Variants in SLC35D1 observed in about 807,000 individuals in gnomAD.
SLC35D1 encodes the protein solute carrier family 35 member D1.
Under a neutral mutation model 46.7 loss-of-function variants are expected in SLC35D1, and 31 were observed. The observed-to-expected ratio is 0.66, with a 90% CI of 0.50 to 0.90. The LOEUF (loss-of-function observed/expected upper bound fraction) is 0.90. Among genes scored for constraint, SLC35D1 ranks in the 40% least tolerant of loss-of-function variants. The pLI is 0.00. For synonymous variants in SLC35D1, 195 were observed against 164.6 expected (o/e 1.18, Z -1.41); for missense variants, 397 against 426.2 (o/e 0.93, Z 0.60).
intron 10 of SLC35D1, among the ~76,000 whole-genome samples, chr1:67,009,770 T>A (rs1390395236): frequency 6.6e-6 from 1 of 152,198 alleles, no homozygotes; most frequent in Non-Finnish European, 1.5e-5. Context: ...TGGAAAGCAG[T>A]GTGGACATTT....
In SLC35D1 at chr1:67,052,786, T is replaced by C; in HGVS notation, c.309A>G (p.Arg103=). ...LRVVKFPDLD[R]NVPRKTFPLP... Reference sequence around the variant, plus strand: ...CTTCTTTTACCTTTCGAGGTACATTTCTGTCAAGGTCAGGAAACTTGACTA... The same window carrying C: ...CTTCTTTTACCTTTCGAGGTACATTCCTGTCAAGGTCAGGAAACTTGACTA... Residue 103 remains arginine, a synonymous_variant, in exon 3 of 12, where the codon AGA becomes AGG. Coordinates refer to ENST00000235345, the MANE Select transcript of SLC35D1 (RefSeq NM_015139.3). The C allele has an allele frequency of 6.2e-7, 1 of 1,614,188 alleles. No homozygotes were observed. The highest frequency in any genetic ancestry group is 8.5e-7 in the Non-Finnish European group (1 of 1,180,002).
downstream of SLC35D1, among the ~76,000 whole-genome samples, chr1:66,997,483 A>G (rs1359485332): frequency 7.1e-6 from 1 of 141,078 alleles, no homozygotes; most frequent in Non-Finnish European, 1.5e-5. Context: ...AGCCTGGGTG[A>G]CAGAGTGAGA....
intron 10 of SLC35D1, among the ~76,000 whole-genome samples, chr1:67,017,956 T>G (rs537901015): frequency 6.6e-6 from 1 of 152,324 alleles, no homozygotes; most frequent in East Asian, 1.9e-4. Flanking sequence ...TATATAAAAC[T>G]TTATGAAGTT....
intron 10 of SLC35D1, among the ~76,000 whole-genome samples, chr1:67,019,380 T>C (rs541126463): frequency 6.6e-6 from 1 of 152,354 alleles, no homozygotes; most frequent in African/African-American, 2.4e-5. Context: ...GTCTCTAGCT[T>C]TCTAAAGGAA....
In SLC35D1 at chr1:66,999,844, G is replaced by A. The variant is rs1667293068; in HGVS notation, c.*4496C>T. ...ACAGGCCTGGAAGCAGGGGCAGCAT[G>A]GGGTCAAGTGCTTTCAATTCAGAGA... On this transcript the variant is annotated 3_prime_UTR_variant, in exon 12 of 12. Coordinates refer to ENST00000235345, the MANE Select transcript of SLC35D1 (RefSeq NM_015139.3). 1 of 152,306 alleles carries A rather than the reference G, an allele frequency of 6.6e-6. No individual in the cohort carries two copies. Among genetic ancestry groups the A allele is most frequent in the Admixed American group, 6.5e-5 (1 of 15,280 alleles). 9.4% of individuals were successfully genotyped at this position (152,306 alleles called of 1,614,324 possible). A position where few individuals can be genotyped will look rare whatever the true frequency, so the allele number is the denominator to read the frequency against.
At position 67,047,690 on chromosome 1, in the gene SLC35D1, G is replaced by A. The variant is rs771770921; in HGVS notation, c.534-323C>T. Among the ~76,000 whole-genome samples the A allele has an allele frequency of 3.7e-4, 57 of 152,286 alleles. 1 individual carries two copies. The highest frequency in any genetic ancestry group is 6.8e-3 in the Middle Eastern group (2 of 294). ...ACCATTAAGTACATCTGTGAAGCAGGCAGAAGCAGGCAGAGCTCAATTTCA... is the reference window on the plus strand; with the variant it reads ...ACCATTAAGTACATCTGTGAAGCAGACAGAAGCAGGCAGAGCTCAATTTCA... On this transcript the variant is annotated intron_variant, in intron 6 of 11. Coordinates refer to ENST00000235345, the MANE Select transcript of SLC35D1 (RefSeq NM_015139.3).
intron 8 of SLC35D1, among the ~76,000 whole-genome samples, chr1:67,026,550 G>A (rs1170935824): frequency 1.3e-5 from 2 of 151,910 alleles, no homozygotes; most frequent in African/African-American, 4.8e-5. Flanking sequence ...TAAATTTTTT[G>A]TCAAATTCTC....
chr1:66,989,092 CTT>C, the SLC35D1 span, among the ~76,000 whole-genome samples: 2 of 151,984 alleles, frequency 1.3e-5, no homozygotes, highest in African/African-American at 4.8e-5. Context: ...GAAATTTTGT[CTT>C]TTAAAAAAAA....
At chr1:66,976,076 C>T in the SLC35D1 span, among the ~76,000 whole-genome samples, 2 of 151,954 alleles carry the variant, frequency 1.3e-5, no homozygotes, top group African/African-American at 4.8e-5. Flanking sequence ...CAGCCTCTGC[C>T]CCCACCCCCA....
chr1:66,985,263 G>A, the SLC35D1 span: 1 of 976,260 alleles, frequency 1.0e-6, no homozygotes, highest in Non-Finnish European at 1.2e-6. Context: ...TTCACTACAA[G>A]GTAATTTTTG....
intron 1 of SLC35D1, among the ~76,000 whole-genome samples, chr1:67,053,292 T>A (rs1276108566): frequency 6.9e-5 from 7 of 100,728 alleles, no homozygotes; most frequent in African/African-American, 1.9e-4. Flanking sequence ...TTCACACACC[T>A]TAAAAAAAAA....
chr1:66,990,319 T>C, the SLC35D1 span, among the ~76,000 whole-genome samples: 1 of 152,164 alleles, frequency 6.6e-6, no homozygotes. Flanking sequence ...CTGTTGCCCA[T>C]GCTGGAGTGC....
chr1:67,031,525 A>G (rs1233535962), intron 8 of SLC35D1, among the ~76,000 whole-genome samples: 1 of 152,136 alleles, frequency 6.6e-6, no homozygotes, highest in African/African-American at 2.4e-5. Context: ...TCCATAACCT[A>G]TAGTCTTTCC....
chr1:67,047,115 T>C lies in SLC35D1; in HGVS notation c.636+150A>G, dbSNP rs1645259761. The C allele has an allele frequency of 4.8e-6, 3 of 631,110 alleles. No individual in the cohort carries two copies. The African/African-American group carries it at 5.5e-5, about 12-fold the overall frequency. 39.1% of individuals were successfully genotyped at this position (631,110 alleles called of 1,614,324 possible). A position where few individuals can be genotyped will look rare whatever the true frequency, so the allele number is the denominator to read the frequency against. On this transcript the variant is annotated intron_variant, in intron 7 of 11. Coordinates refer to ENST00000235345, the MANE Select transcript of SLC35D1 (RefSeq NM_015139.3). ...TAATTAAAAAATAAAGTTTCTTATA[T>C]GAACACTAAAGTACAGGAATTTTAC...
intron 3 of SLC35D1, 42 bp downstream of exon 3, chr1:67,052,729 G>A (rs777594231): frequency 3.8e-6 from 6 of 1,592,530 alleles, no homozygotes; most frequent in Non-Finnish European, 5.2e-6. Context: ...AATACATACT[G>A]ACTTCATTTC....
At chr1:66,981,705 C>A in the SLC35D1 span, 2 of 1,183,716 alleles carry the variant, frequency 1.7e-6, no homozygotes, top group South Asian at 1.5e-5. Flanking sequence ...TTAAGAAAGC[C>A]TTCTGAATTT....
chr1:67,016,727 CTT>C (rs1218638821), intron 10 of SLC35D1, among the ~76,000 whole-genome samples: 3 of 152,038 alleles, frequency 2.0e-5, no homozygotes, highest in African/African-American at 7.2e-5. Flanking sequence ...ATATTCTTAA[CTT>C]ATCAGAATAT....
In SLC35D1 at chr1:67,003,101, T is replaced by C. The variant is rs1347536639; in HGVS notation, c.*1239A>G. 1 of 152,374 alleles carries C rather than the reference T, an allele frequency of 6.6e-6. No individual in the cohort carries two copies. Among genetic ancestry groups the C allele is most frequent in the Non-Finnish European group, 1.5e-5 (1 of 68,076 alleles). 9.4% of individuals were successfully genotyped at this position (152,374 alleles called of 1,614,324 possible). A position where few individuals can be genotyped will look rare whatever the true frequency, so the allele number is the denominator to read the frequency against. On this transcript the variant is annotated 3_prime_UTR_variant, in exon 12 of 12. Coordinates refer to ENST00000235345, the MANE Select transcript of SLC35D1 (RefSeq NM_015139.3). ...AGGAGGGAAGTTTGCTCATTGCTCATGCCATTTAAGAAGGAAGATGATAGC... is the reference window on the plus strand; with the variant it reads ...AGGAGGGAAGTTTGCTCATTGCTCACGCCATTTAAGAAGGAAGATGATAGC...
chr1:66,989,949 CTT>C, the SLC35D1 span, among the ~76,000 whole-genome samples: 3 of 152,336 alleles, frequency 2.0e-5, no homozygotes, highest in Non-Finnish European at 2.9e-5. Context: ...TTAGTCTACT[CTT>C]GTCACCAGCT....
Sources: gnomAD v4.1 joint callset for allele counts (sites outside exome capture counted in the v4.1 genomes callset) on GRCh38, gnomAD v4.1.1 for gene constraint, MANE v1.5 for transcripts, NCBI Gene and HGNC (gene_info 2026-07-23, HGNC 2026-07-21) for gene names.